Variants in HMGA2 observed in about 807,000 individuals in gnomAD.
The protein encoded by HMGA2 is high mobility group protein HMGI-C.
HMGA2 carries 8 observed loss-of-function variants against 19.1 expected under a neutral mutation model. The ratio of observed to expected loss-of-function variants is 0.42; its 90% CI spans 0.25 to 0.76. HMGA2 has a LOEUF of 0.76. Ranked by LOEUF, HMGA2 falls within the 30% of genes least tolerant of loss-of-function variation. The probability of loss-of-function intolerance (pLI) is 0.28; values close to 1 mark genes in which losing one functional copy is unlikely to be tolerated. For missense variants in HMGA2, 109 were observed against 136.3 expected (o/e 0.80, Z 1.00); for synonymous variants, 60 against 48.8 (o/e 1.23, Z -0.96).
chr12:65,916,145 C>CA (rs1272703134), intron 3 of HMGA2, among the ~76,000 whole-genome samples: 1 of 152,160 alleles, frequency 6.6e-6, no homozygotes, highest in East Asian at 1.9e-4. Flanking sequence ...TGCAGTGGAC[C>CA]ATTACATTTT....
At chr12:65,873,328 A>G (rs1267928330) in intron 3 of HMGA2, among the ~76,000 whole-genome samples, 3 of 152,200 alleles carry the variant, frequency 2.0e-5, no homozygotes, top group Non-Finnish European at 4.4e-5. Flanking sequence ...GTGTGTTACA[A>G]ATAAATAATG....
intron 4 of HMGA2, chr12:65,953,938 C>T (rs1035291830): frequency 3.3e-5 from 5 of 152,180 alleles, no homozygotes; most frequent in African/African-American, 1.2e-4. Flanking sequence ...GCCTCATATC[C>T]TTCCTTCAAC....
chr12:65,853,630 T>C (rs952107047), intron 3 of HMGA2, among the ~76,000 whole-genome samples: 1 of 152,202 alleles, frequency 6.6e-6, no homozygotes, highest in African/African-American at 2.4e-5. Context: ...TTAATCGTTT[T>C]TGGCCTCCTA....
rs1053853048 is a variant in HMGA2 at position 65,915,651 on chromosome 12, C to T, written c.250-35732C>T. On this transcript the variant is annotated intron_variant, in intron 3 of 4. Coordinates refer to ENST00000403681, the MANE Select transcript of HMGA2 (RefSeq NM_003483.6). Reference sequence around the variant, plus strand: ...GTCAGTAACATTTCATTCCCAGCTTCAGATGGGCTGCCATGACTTCTGCCA... The same window carrying T: ...GTCAGTAACATTTCATTCCCAGCTTTAGATGGGCTGCCATGACTTCTGCCA... The T allele has an allele frequency of 9.9e-5, 62 of 625,954 alleles. No individual in the cohort carries two copies. The Middle Eastern group carries it at 2.2e-3, about 23-fold the overall frequency. 38.8% of individuals were successfully genotyped at this position (625,954 alleles called of 1,614,324 possible).
At chr12:65,918,312 T>C (rs1435749460) in intron 3 of HMGA2, among the ~76,000 whole-genome samples, 2 of 152,194 alleles carry the variant, frequency 1.3e-5, no homozygotes, top group African/African-American at 4.8e-5. Context: ...GGAAATCACA[T>C]GTTCCTTTAA....
At chr12:65,954,076 C>T (rs1386449730) in intron 4 of HMGA2, 1 of 152,136 alleles carries the variant, frequency 6.6e-6, no homozygotes, top group African/African-American at 2.4e-5. Context: ...CTTTCTGGCC[C>T]CATCACTGGG....
chr12:65,854,865 C>T (rs1025290044), intron 3 of HMGA2, among the ~76,000 whole-genome samples: 1 of 152,156 alleles, frequency 6.6e-6, no homozygotes, highest in East Asian at 1.9e-4. Flanking sequence ...GGAATTCTGG[C>T]CCATGGTTCC....
At chr12:65,907,620 G>A (rs750314639) in intron 3 of HMGA2, among the ~76,000 whole-genome samples, 11 of 152,080 alleles carry the variant, frequency 7.2e-5, no homozygotes, top group Non-Finnish European at 1.2e-4. Context: ...CAATGACAGC[G>A]ATTTGAGAAT....
chr12:65,845,323 C>A (rs1477893644), intron 3 of HMGA2, among the ~76,000 whole-genome samples: 1 of 152,170 alleles, frequency 6.6e-6, no homozygotes, highest in African/African-American at 2.4e-5. Flanking sequence ...GGTTGGAGTG[C>A]AGTGGCAAAA....
At chr12:65,953,837 C>G (rs1411261305) in intron 4 of HMGA2, 1 of 152,196 alleles carries the variant, frequency 6.6e-6, no homozygotes, top group Non-Finnish European at 1.5e-5. Context: ...AAATTTTACA[C>G]TACATTCAAA....
intron 3 of HMGA2, among the ~76,000 whole-genome samples, chr12:65,872,941 C>A (rs113670025): frequency 1.3e-5 from 2 of 152,118 alleles, no homozygotes; most frequent in South Asian, 2.1e-4. Context: ...CAGAAAGACC[C>A]GTTTTTCTGA....
chr12:65,837,812 G>T (rs185466069), intron 2 of HMGA2, among the ~76,000 whole-genome samples: 102 of 152,280 alleles, frequency 6.7e-4, no homozygotes, highest in Admixed American at 1.4e-3. Flanking sequence ...GGTTAATAAA[G>T]TACATTTTTA....
chr12:65,908,238 A>C (rs1874688856), intron 3 of HMGA2, among the ~76,000 whole-genome samples: 1 of 152,204 alleles, frequency 6.6e-6, no homozygotes, highest in African/African-American at 2.4e-5. Flanking sequence ...TGCGAAGGGC[A>C]GCCTGTATAC....
At chr12:65,841,156 G>GTT (rs945482196) in intron 3 of HMGA2, among the ~76,000 whole-genome samples, 2 of 152,014 alleles carry the variant, frequency 1.3e-5, no homozygotes, top group African/African-American at 2.4e-5. Flanking sequence ...GGATATATAT[G>GTT]TTTTTTTTCT....
chr12:65,873,220 G>A (rs924651602), intron 3 of HMGA2, among the ~76,000 whole-genome samples: 1 of 152,160 alleles, frequency 6.6e-6, no homozygotes, highest in African/African-American at 2.4e-5. Context: ...TTTCAATACA[G>A]AGCATAGTGT....
chr12:65,951,336 T>C (rs764640597), intron 3 of HMGA2, 47 bp from the exon 4 acceptor site: 32 of 1,216,606 alleles, frequency 2.6e-5, no homozygotes, highest in South Asian at 2.3e-4. Flanking sequence ...ATTTTTTCTA[T>C]AATGTATATT....
chr12:65,830,767 A>G (rs1223607541), intron 2 of HMGA2: 2 of 151,920 alleles, frequency 1.3e-5, no homozygotes, highest in East Asian at 1.9e-4. Flanking sequence ...TGACTACTAA[A>G]TTAGCCATCA....
At chr12:65,858,078 C>T (rs541460999) in intron 3 of HMGA2, 2 of 152,710 alleles carry the variant, frequency 1.3e-5, no homozygotes, top group Admixed American at 1.3e-4. Context: ...TGGCCCTTGG[C>T]TCTGCCTCCC....
chr12:65,894,998 C>A (rs778065323), intron 3 of HMGA2, among the ~76,000 whole-genome samples: 3 of 152,046 alleles, frequency 2.0e-5, no homozygotes, highest in Admixed American at 2.0e-4. Flanking sequence ...GTAAATCCAC[C>A]GGTACCAGTA....
Sources: gnomAD v4.1 joint callset for allele counts (sites outside exome capture counted in the v4.1 genomes callset) on GRCh38, gnomAD v4.1.1 for gene constraint, MANE v1.5 for transcripts, NCBI Gene and HGNC (gene_info 2026-07-23, HGNC 2026-07-21) for gene names.